Variants in SNX8 observed in about 807,000 individuals in gnomAD.
SNX8 encodes the protein sorting nexin-8.
Under a neutral mutation model 51.6 loss-of-function variants are expected in SNX8, and 25 were observed. The ratio of observed to expected loss-of-function variants is 0.48; its 90% CI spans 0.35 to 0.68. The LOEUF (loss-of-function observed/expected upper bound fraction) is 0.68. Ranked by LOEUF, SNX8 falls within the 30% of genes least tolerant of loss-of-function variation. SNX8 has a pLI of 0.00. For synonymous variants in SNX8, 324 were observed against 277.0 expected, an observed-to-expected ratio of 1.17 and a Z score of -1.68; for missense variants, 695 against 624.0, an observed-to-expected ratio of 1.11 and a Z score of -1.21.
At chr7:2,331,521 C>T (rs191973264) in intron 1 of SNX8, among the ~76,000 whole-genome samples, 3 of 151,526 alleles carry the variant, frequency 2.0e-5, no homozygotes, top group Admixed American at 6.6e-5. Flanking sequence ...CTGGCTAACA[C>T]GGTGAAACCC....
At chr7:2,348,317 A>G (rs1295244174) in intron 1 of SNX8, among the ~76,000 whole-genome samples, 2 of 147,190 alleles carry the variant, frequency 1.4e-5, no homozygotes, top group Admixed American at 1.4e-4. Context: ...CGAGTACAGT[A>G]TCTTTTTCTT....
chr7:2,319,684 G>A (rs540019247), intron 1 of SNX8, among the ~76,000 whole-genome samples: 83 of 152,200 alleles, frequency 5.5e-4, no homozygotes, highest in African/African-American at 1.8e-3. Flanking sequence ...GTGTGGTGGC[G>A]GGCGCCTGTA....
intron 1 of SNX8, among the ~76,000 whole-genome samples, chr7:2,320,863 T>C (rs548037666): frequency 3.7e-4 from 56 of 151,322 alleles, no homozygotes; most frequent in African/African-American, 1.1e-3. Context: ...CTACTAAAAA[T>C]ACAAAAATTA....
At chr7:2,268,597 T>TGG (rs1278767153) in intron 5 of SNX8, among the ~76,000 whole-genome samples, 2 of 105,560 alleles carry the variant, frequency 1.9e-5, no homozygotes, top group African/African-American at 3.6e-5. Context: ...GGGAGGGAGG[T>TGG]GGGGGGGTCA....
intron 1 of SNX8, among the ~76,000 whole-genome samples, chr7:2,309,452 C>A (rs1796616021): frequency 6.6e-6 from 1 of 151,992 alleles, no homozygotes; most frequent in Admixed American, 6.6e-5. Flanking sequence ...CCAGAACCAG[C>A]CGGGCGCGGT....
chr7:2,262,200 G>A (rs1795353145), intron 7 of SNX8, among the ~76,000 whole-genome samples: 2 of 152,084 alleles, frequency 1.3e-5, no homozygotes, highest in African/African-American at 4.8e-5. Context: ...ACCACCCCTG[G>A]CTAATTTTTT....
rs538517442 is a variant in SNX8, at chr7:2,255,092, C to T, written c.1362G>A (p.Pro454=). ...ACAGGCCGTCCTCCGGCGGGGAGCACGGTGGGGTCAGGGTGCTGTGTGGTC... is the reference window on the plus strand; with the variant it reads ...ACAGGCCGTCCTCCGGCGGGGAGCATGGTGGGGTCAGGGTGCTGTGTGGTC... The part of the protein sequence containing the change: ...FAGPHSTLTP[P]CSPPEDGLCP... Residue 454 remains proline, a synonymous_variant, in exon 11 of 11, where the codon CCG becomes CCA. Coordinates refer to ENST00000222990, the MANE Select transcript of SNX8 (RefSeq NM_013321.4). 5.1e-6 allele frequency: 8 copies of T among 1,580,180 alleles called. No homozygotes were observed. In the African/African-American group the frequency reaches 5.4e-5, roughly 11 times the overall value.
intron 1 of SNX8, among the ~76,000 whole-genome samples, chr7:2,301,117 T>C (rs1286539629): frequency 1.3e-5 from 2 of 152,224 alleles, no homozygotes; most frequent in Non-Finnish European, 1.5e-5. Context: ...AGCACAATTG[T>C]CTAGGGTGTT....
intron 1 of SNX8, among the ~76,000 whole-genome samples, chr7:2,304,412 C>T (rs1012928464): frequency 1.3e-4 from 20 of 151,608 alleles, no homozygotes; most frequent in Middle Eastern, 3.4e-3. Context: ...GGCGTGGTGG[C>T]GGGCGCCTGT....
intron 1 of SNX8, among the ~76,000 whole-genome samples, chr7:2,337,654 C>G (rs1210829767): frequency 6.6e-6 from 1 of 151,672 alleles, no homozygotes; most frequent in Non-Finnish European, 1.5e-5. Flanking sequence ...TGGAGGGAAA[C>G]GTATAATCTG....
intron 1 of SNX8, among the ~76,000 whole-genome samples, chr7:2,294,941 G>A (rs921034923): frequency 7.2e-5 from 11 of 152,086 alleles, no homozygotes; most frequent in African/African-American, 2.2e-4. Flanking sequence ...GAGGTAGGAG[G>A]ATCACTTGAG....
chr7:2,314,219 G>C, intron 1 of SNX8, 109 bp downstream of exon 1: 2 of 1,120,628 alleles, frequency 1.8e-6, no homozygotes, highest in African/African-American at 3.2e-5. Flanking sequence ...CGGGGCGCGG[G>C]GGCAGGAAAC....
intron 1 of SNX8, among the ~76,000 whole-genome samples, chr7:2,325,602 C>T (rs145051763): frequency 0.01 from 1,521 of 151,638 alleles, 36 homozygotes; most frequent in African/African-American, 0.031. Context: ...CTGAGGTGGG[C>T]GGATTGCTTG....
upstream of SNX8, among the ~76,000 whole-genome samples, chr7:2,316,963 A>C (rs1796767427): frequency 6.6e-6 from 1 of 152,212 alleles, no homozygotes; most frequent in Non-Finnish European, 1.5e-5. Flanking sequence ...GAGTGGAGCA[A>C]GTGTGCTAAC....
At chr7:2,290,291 T>C (rs1385920835) in intron 1 of SNX8, among the ~76,000 whole-genome samples, 6 of 152,062 alleles carry the variant, frequency 3.9e-5, no homozygotes, top group Admixed American at 3.9e-4. Context: ...ACTGGAGGCC[T>C]GGAGTTCGAG....
intron 1 of SNX8, among the ~76,000 whole-genome samples, chr7:2,299,979 T>G (rs571676151): frequency 6.6e-6 from 1 of 152,312 alleles, no homozygotes; most frequent in East Asian, 1.9e-4. Flanking sequence ...GCGCACTTCC[T>G]TCTCCTGGCT....
At chr7:2,268,424 G>GC (rs1344608299) in intron 5 of SNX8, among the ~76,000 whole-genome samples, 1 of 136,216 alleles carries the variant, frequency 7.3e-6, no homozygotes, top group Admixed American at 7.3e-5. Flanking sequence ...TCTCCGCCCG[G>GC]CAGCCACCCC....
rs527644028 is a variant in SNX8 at position 2,329,495 on chromosome 7, T to C, written c.-66+24727A>G. 1.5e-3 allele frequency among the ~76,000 whole-genome samples: 231 copies of C among 152,176 alleles called. 3 individuals are homozygous for C. Among genetic ancestry groups the C allele is most frequent in the South Asian group, 8.9e-3 (43 of 4,818 alleles). On this transcript the variant is annotated intron_variant, in intron 1 of 5. Coordinates refer to the SNX8 transcript ENST00000435336. The stretch of plus-strand genomic sequence containing the variant: ...CCTAACTCCATGGTCCTTGCTACAG[T>C]GTTTTGTGATGATGTTGTCTGTTAG...
At position 2,328,689 on chromosome 7, in the gene SNX8, C is replaced by T. The variant is rs373624393; in HGVS notation, c.-66+25533G>A. ...ATTGCACGCTGGGCACGGTGGCTCACGCCTGTAATCCCAGCACTTTGGGAG... is the reference window on the plus strand; with the variant it reads ...ATTGCACGCTGGGCACGGTGGCTCATGCCTGTAATCCCAGCACTTTGGGAG... On this transcript the variant is annotated intron_variant, in intron 1 of 5. Transcript: ENST00000435336. 5.3e-5 allele frequency among the ~76,000 whole-genome samples: 8 copies of T among 152,206 alleles called. No homozygotes were observed. The South Asian group carries it at 6.2e-4, about 12-fold the overall frequency.
Sources: gnomAD v4.1 joint callset for allele counts (sites outside exome capture counted in the v4.1 genomes callset) on GRCh38, gnomAD v4.1.1 for gene constraint, MANE v1.5 for transcripts, NCBI Gene and HGNC (gene_info 2026-07-23, HGNC 2026-07-21) for gene names.